Variants in ZFHX3 observed in about 807,000 individuals in gnomAD.
ZFHX3 encodes zinc finger homeobox 3.
ZFHX3 carries 42 observed loss-of-function variants against 279.1 expected under a neutral mutation model. That is an observed-to-expected ratio of 0.15 (90% confidence interval 0.12 to 0.19). The LOEUF (loss-of-function observed/expected upper bound fraction) is 0.19. Among genes scored for constraint, ZFHX3 ranks in the 10% least tolerant of loss-of-function variants. The pLI, the probability that ZFHX3 is intolerant of heterozygous loss-of-function variation, is 1.00. For synonymous variants in ZFHX3, 2,293 were observed against 1,957.8 expected, an observed-to-expected ratio of 1.17 and a Z score of -4.52; for missense variants, 4,981 against 4,754.0, an observed-to-expected ratio of 1.05 and a Z score of -1.40.
intron 5 of ZFHX3, among the ~76,000 whole-genome samples, chr16:73,177,093 G>A (rs761769562): frequency 6.6e-6 from 1 of 152,068 alleles, no homozygotes; most frequent in South Asian, 2.1e-4. Flanking sequence ...CCCAAATAAC[G>A]ATTAATTCCT....
At chr16:73,503,273 A>G (rs575864845) in intron 2 of ZFHX3, among the ~76,000 whole-genome samples, 26 of 152,328 alleles carry the variant, frequency 1.7e-4, no homozygotes, top group African/African-American at 5.5e-4. Flanking sequence ...TGTCACGGCC[A>G]CTTAGGTAAA....
At chr16:73,204,151 G>A (rs538836021) in intron 5 of ZFHX3, among the ~76,000 whole-genome samples, 2 of 151,970 alleles carry the variant, frequency 1.3e-5, no homozygotes. Flanking sequence ...TGGCATCAGG[G>A]ACTGGTTTCA....
At chr16:73,364,984 G>A (rs1269444359) in intron 3 of ZFHX3, among the ~76,000 whole-genome samples, 3 of 150,898 alleles carry the variant, frequency 2.0e-5, no homozygotes, top group Middle Eastern at 3.4e-3. Flanking sequence ...TTTCATTATC[G>A]GCCCTCCTTT....
chr16:73,681,710 T>C (rs867501562), intron 1 of ZFHX3, among the ~76,000 whole-genome samples: 2 of 152,226 alleles, frequency 1.3e-5, no homozygotes, highest in Non-Finnish European at 2.9e-5. Flanking sequence ...TAATATCCTG[T>C]GCTTCCATGT....
chr16:73,022,653 C>T (rs1964342605), intron 1 of ZFHX3, among the ~76,000 whole-genome samples: 1 of 152,158 alleles, frequency 6.6e-6, no homozygotes, highest in Admixed American at 6.5e-5. Flanking sequence ...GAGTTTCAGT[C>T]CAATGACGGC....
intron 5 of ZFHX3, among the ~76,000 whole-genome samples, chr16:73,162,213 C>T (rs755001107): frequency 3.3e-5 from 5 of 152,204 alleles, no homozygotes; most frequent in Non-Finnish European, 2.9e-5. Flanking sequence ...TGTTCCCCAT[C>T]GCTTTCATTA....
chr16:73,805,451 G>C (rs1960252993), intron 1 of ZFHX3, among the ~76,000 whole-genome samples: 1 of 152,182 alleles, frequency 6.6e-6, no homozygotes, highest in South Asian at 2.1e-4. Context: ...TTATAGGTGT[G>C]AGCTACCGTG....
intron 2 of ZFHX3, among the ~76,000 whole-genome samples, chr16:73,460,498 G>T (rs965017381): frequency 6.6e-6 from 1 of 152,156 alleles, no homozygotes; most frequent in African/African-American, 2.4e-5. Context: ...ATCCAGGAGT[G>T]CAGTTGTAGG....
exon 1 of ZFHX3, chr16:73,059,645 G>C (rs1434562241): frequency 6.6e-6 from 1 of 151,688 alleles, no homozygotes; most frequent in African/African-American, 2.4e-5. Context: ...GGACAGCTTA[G>C]AGTAAAGGTT....
chr16:73,551,709 T>A (rs1423311934), intron 2 of ZFHX3, among the ~76,000 whole-genome samples: 1 of 152,186 alleles, frequency 6.6e-6, no homozygotes, highest in African/African-American at 2.4e-5. Flanking sequence ...TGTACATAGC[T>A]TCATTCCAGA....
intron 1 of ZFHX3, among the ~76,000 whole-genome samples, chr16:73,794,709 C>T (rs1381908815): frequency 6.6e-6 from 1 of 152,132 alleles, no homozygotes; most frequent in Non-Finnish European, 1.5e-5. Flanking sequence ...CCTATTTAAC[C>T]AATTATTCTA....
chr16:73,693,548 C>G (rs2053168486), intron 1 of ZFHX3, among the ~76,000 whole-genome samples: 1 of 151,824 alleles, frequency 6.6e-6, no homozygotes, highest in Non-Finnish European at 1.5e-5. Context: ...AATCTATGTC[C>G]TGCGCTTTCA....
At chr16:73,522,078 T>C (rs1309639784) in intron 2 of ZFHX3, among the ~76,000 whole-genome samples, 1 of 152,196 alleles carries the variant, frequency 6.6e-6, no homozygotes, top group African/African-American at 2.4e-5. Context: ...TTAATGAATA[T>C]AGGAAAGAGA....
At chr16:73,519,442 A>T (rs2019576192) in intron 2 of ZFHX3, among the ~76,000 whole-genome samples, 1 of 151,906 alleles carries the variant, frequency 6.6e-6, no homozygotes, top group Non-Finnish European at 1.5e-5. Context: ...TTCCTTATTA[A>T]CTTCCTCCCA....
Position 73,281,034 on chromosome 16 carries a change from G to GA in ZFHX3, c.-1193-23899_-1193-23898insT, listed in dbSNP as rs1201077385. On this transcript the variant is annotated intron_variant, in intron 4 of 17. Transcript: ENST00000641206. ...GGAAAGGAGAGGAGAGGAGAGGGGA[G>GA]GGGAGGGGAGGGGAGGGGAGGGGAG... Among the ~76,000 whole-genome samples the GA allele has an allele frequency of 1.4e-3, 189 of 139,938 alleles. 1 individual carries two copies. Among genetic ancestry groups the GA allele is most frequent in the African/African-American group, 4.2e-3 (159 of 37,662 alleles). The allele number at this position is 139,938 out of a possible 152,430, so 91.8% of individuals were successfully genotyped here. A position where few individuals can be genotyped will look rare whatever the true frequency, so the allele number is the denominator to read the frequency against.
chr16:72,893,068 C>T (rs747143806), intron 3 of ZFHX3, among the ~76,000 whole-genome samples: 5 of 152,120 alleles, frequency 3.3e-5, no homozygotes, highest in Admixed American at 6.5e-5. Flanking sequence ...GTCCTAAAAC[C>T]GAGGAGCTGG....
intron 4 of ZFHX3, among the ~76,000 whole-genome samples, chr16:73,266,946 A>G (rs2013994261): frequency 6.6e-6 from 1 of 152,236 alleles, no homozygotes; most frequent in Non-Finnish European, 1.5e-5. Flanking sequence ...GCATGAAAAC[A>G]TACCAATACA....
intron 3 of ZFHX3, among the ~76,000 whole-genome samples, chr16:72,909,112 C>T (rs2039256864): frequency 6.6e-6 from 1 of 152,160 alleles, no homozygotes; most frequent in Admixed American, 6.5e-5. Flanking sequence ...CCAGAGCCTA[C>T]CGAGCTGACA....
At chr16:72,868,319 C>T (rs535061881) in intron 4 of ZFHX3, among the ~76,000 whole-genome samples, 2 of 152,262 alleles carry the variant, frequency 1.3e-5, no homozygotes, top group East Asian at 1.9e-4. Flanking sequence ...GGAGAATCAG[C>T]GCCTATCCAA....
Sources: allele counts gnomAD v4.1 joint callset (sites outside exome capture counted in the v4.1 genomes callset), GRCh38; gene constraint gnomAD v4.1.1; transcripts MANE v1.5; gene names NCBI Gene and HGNC (gene_info 2026-07-23, HGNC 2026-07-21).